The following TLR6 variants were observed in gnomAD, a reference collection of about 807,000 sequenced individuals.
The protein encoded by TLR6 is toll-like receptor 6.
A neutral mutation model predicts 16.1 loss-of-function variants in TLR6; 9 were observed. The ratio of observed to expected loss-of-function variants is 0.56; its 90% confidence interval spans 0.34 to 0.98. The LOEUF (loss-of-function observed/expected upper bound fraction) is 0.98. Ranked by LOEUF, TLR6 falls within the 50% of genes least tolerant of loss-of-function variation. TLR6 has a pLI of 0.02. For synonymous variants in TLR6, 340 were observed against 338.6 expected (o/e 1.00, Z -0.04); for missense variants, 786 against 921.0 (o/e 0.85, Z 1.90).
upstream of TLR6, among the ~76,000 whole-genome samples, chr4:38,859,536 A>G (rs1713150906): frequency 6.6e-6 from 1 of 151,852 alleles, no homozygotes; most frequent in Non-Finnish European, 1.5e-5. Context: ...ACCTTTGAGC[A>G]GAAGAACTAA....
upstream of TLR6, among the ~76,000 whole-genome samples, chr4:38,858,993 T>C (rs1185549978): frequency 6.6e-6 from 1 of 152,248 alleles, no homozygotes; most frequent in Non-Finnish European, 1.5e-5. Flanking sequence ...GGTTATCTTC[T>C]TGCCAGGCAT....
chr4:38,827,020 A>T, exon 2 of TLR6: 1 of 1,288,774 alleles, frequency 7.8e-7, no homozygotes, highest in Non-Finnish European at 1.0e-6. Context: ...GTTACTTACG[A>T]CTGTACTATT....
the TLR6 span, among the ~76,000 whole-genome samples, chr4:38,865,841 G>T: frequency 6.6e-6 from 1 of 152,294 alleles, no homozygotes; most frequent in East Asian, 1.9e-4. Flanking sequence ...GTTTTTCTAT[G>T]AATTTAAAAA....
chr4:38,828,614 G>T (rs776818431), exon 2 of TLR6: 1 of 1,613,808 alleles, frequency 6.2e-7, no homozygotes, highest in East Asian at 2.2e-5. Flanking sequence ...TTCAATTATT[G>T]TTAAATTGTA....
intron 1 of TLR6, among the ~76,000 whole-genome samples, chr4:38,837,440 A>G (rs750933190): frequency 2.0e-5 from 3 of 152,180 alleles, no homozygotes; most frequent in Non-Finnish European, 4.4e-5. Flanking sequence ...ACAGCCAATC[A>G]ATTTTCAACA....
chr4:38,858,861 AAGAAAGAAAGAAAGAAAGAAAGAAAGAG>A (rs1476990999), upstream of TLR6, among the ~76,000 whole-genome samples: 69 of 130,978 alleles, frequency 5.3e-4, 1 homozygote, highest in African/African-American at 1.2e-3. Flanking sequence ...GAAAGAAAGA[AAGAAAGAAAGAAAGAAAGAAAGAAAGAG>A]AGAAAGAAAG....
rs1712434252 is a variant in TLR6 at position 38,844,564 on chromosome 4, G to A, written c.-65+12197C>T. Among the ~76,000 whole-genome samples the A allele has an allele frequency of 2.6e-5, 4 of 151,848 alleles. No individual in the cohort carries two copies. The South Asian group carries it at 8.3e-4, about 32-fold the overall frequency. Reference sequence around the variant, plus strand: ...GAAATTTGAATGAGAAATTAATAAAGGATTTAATAGAGACATAAGCTGTAC... The same window carrying A: ...GAAATTTGAATGAGAAATTAATAAAAGATTTAATAGAGACATAAGCTGTAC... On this transcript the variant is annotated intron_variant, in intron 1 of 1. Coordinates refer to ENST00000436693, the Ensembl canonical transcript of TLR6.
exon 2 of TLR6, chr4:38,828,391 G>C (rs3821985): frequency 0.35 from 569,891 of 1,612,288 alleles, 105,146 homozygotes; most frequent in African/African-American, 0.64. Context: ...AAACGTTCTG[G>C]GTAAAGTTCA....
At chr4:38,853,285 C>A (rs1047690839) in intron 1 of TLR6, among the ~76,000 whole-genome samples, 1 of 149,970 alleles carries the variant, frequency 6.7e-6, no homozygotes, top group South Asian at 2.1e-4. Flanking sequence ...ATGTAAATGA[C>A]GAGTTAATGG....
chr4:38,851,640 G>A (rs1712778087), intron 1 of TLR6, among the ~76,000 whole-genome samples: 1 of 152,136 alleles, frequency 6.6e-6, no homozygotes, highest in East Asian at 1.9e-4. Flanking sequence ...ATTCACAATT[G>A]CTTCAAAGAG....
intron 1 of TLR6, among the ~76,000 whole-genome samples, chr4:38,838,211 A>G (rs1712036261): frequency 6.6e-6 from 1 of 152,244 alleles, no homozygotes; most frequent in African/African-American, 2.4e-5. Context: ...CTAAAAATAG[A>G]ACTAACATAC....
At chr4:38,864,719 T>A in the TLR6 span, among the ~76,000 whole-genome samples, 3 of 152,286 alleles carry the variant, frequency 2.0e-5, no homozygotes, top group East Asian at 5.8e-4. Context: ...TTTAGAAATA[T>A]GAGTGAGGGG....
intron 1 of TLR6, among the ~76,000 whole-genome samples, chr4:38,832,188 T>C (rs1020030814): frequency 6.6e-6 from 1 of 152,124 alleles, no homozygotes; most frequent in African/African-American, 2.4e-5. Flanking sequence ...CGGAGAAGCA[T>C]TAAAATGGCT....
At position 38,826,594 on chromosome 4, in the gene TLR6, C is replaced by A. The variant is rs576438376; in HGVS notation, c.*489G>T. 3 of 154,038 alleles carry A rather than the reference C, an allele frequency of 1.9e-5. No homozygotes were observed. In the East Asian group the frequency reaches 5.7e-4, roughly 29 times the overall value. 9.5% of individuals were successfully genotyped at this position (154,038 alleles called of 1,614,324 possible). A position where few individuals can be genotyped will look rare whatever the true frequency, so the allele number is the denominator to read the frequency against. On this transcript the variant is annotated 3_prime_UTR_variant, in exon 2 of 2. Transcript: ENST00000436693. ...GGATAAAAAATTAAATAAGCTATTA[C>A]ACATATGTGAAACAAAAGACTTTTT...
At chr4:38,834,022 T>A (rs1216603485) in intron 1 of TLR6, among the ~76,000 whole-genome samples, 9 of 150,642 alleles carry the variant, frequency 6.0e-5, no homozygotes, top group Admixed American at 5.3e-4. Context: ...AGGTCAGGAG[T>A]TCGAGACCAG....
chr4:38,829,084 G>A (rs1417927549), exon 2 of TLR6: 1 of 1,613,996 alleles, frequency 6.2e-7, no homozygotes. Context: ...TGAAATCATT[G>A]AATGAGAGAT....
intron 1 of TLR6, among the ~76,000 whole-genome samples, chr4:38,848,984 C>T (rs561456445): frequency 3.9e-5 from 6 of 152,236 alleles, no homozygotes; most frequent in Middle Eastern, 3.4e-3. Flanking sequence ...TTGTCAGATT[C>T]GCCAAAGTTG....
intron 1 of TLR6, among the ~76,000 whole-genome samples, chr4:38,846,835 G>A (rs1342189093): frequency 6.6e-6 from 1 of 151,952 alleles, no homozygotes; most frequent in African/African-American, 2.4e-5. Flanking sequence ...AGCTATAGAT[G>A]CCAATTAACT....
intron 1 of TLR6, among the ~76,000 whole-genome samples, chr4:38,832,045 T>C (rs370232710): frequency 3.3e-5 from 5 of 152,328 alleles, no homozygotes; most frequent in Admixed American, 2.0e-4. Flanking sequence ...AAAGCCTCCA[T>C]GTGGATGTTT....
Sources: gnomAD v4.1 joint callset for allele counts (sites outside exome capture counted in the v4.1 genomes callset) on GRCh38, gnomAD v4.1.1 for gene constraint, MANE v1.5 for transcripts, NCBI Gene and HGNC (gene_info 2026-07-23, HGNC 2026-07-21) for gene names.